Variants in VWC2 observed in about 807,000 individuals in gnomAD.
The protein encoded by VWC2 is von Willebrand factor C domain containing 2, also known as brorin.
Under a neutral mutation model 29.8 loss-of-function variants are expected in VWC2, and 14 were observed. The observed-to-expected ratio is 0.47, with a 90% CI of 0.31 to 0.74. The LOEUF (loss-of-function observed/expected upper bound fraction) is 0.74, where lower values mean the gene tolerates loss of function less well. VWC2 is among the 30% of genes least tolerant of loss of function. VWC2 has a pLI of 0.05. For synonymous variants in VWC2, 213 were observed against 199.0 expected, an observed-to-expected ratio of 1.07 and a Z score of -0.59; for missense variants, 457 against 459.8, an observed-to-expected ratio of 0.99 and a Z score of 0.05.
intron 3 of VWC2, among the ~76,000 whole-genome samples, chr7:49,908,728 A>C (rs1793239488): frequency 6.6e-6 from 1 of 152,152 alleles, no homozygotes; most frequent in Admixed American, 6.5e-5. Flanking sequence ...TCAGCTGAAG[A>C]TATCTTCTTA....
intron 3 of VWC2, among the ~76,000 whole-genome samples, chr7:49,898,565 A>G (rs1329282611): frequency 2.0e-5 from 3 of 151,994 alleles, no homozygotes; most frequent in Non-Finnish European, 4.4e-5. Context: ...CTTACAACAC[A>G]TTACATATGT....
In VWC2 at chr7:49,775,817, C is replaced by A; in HGVS notation, c.382C>A (p.Gln128Lys). 1 of 1,542,518 alleles carries A rather than the reference C, an allele frequency of 6.5e-7. No individual in the cohort carries two copies. Among genetic ancestry groups the A allele is most frequent in the East Asian group, 2.5e-5 (1 of 40,670 alleles). Residue 128 changes from glutamine to lysine, a missense_variant, in exon 2 of 4, where the codon CAG becomes AAG. Around this residue, in one of 2 missense-constraint regions of VWC2, gnomAD observed 272 missense variants for 202.7 expected, o/e 1.34. Transcript: ENST00000340652. Reference protein sequence around the residue: ...PQAEALAAAAQDAIGPELAPT... With the variant: ...PQAEALAAAAKDAIGPELAPT... Reference sequence around the variant, plus strand: ...GGCGGAAGCCCTGGCCGCAGCCGCCCAGGACGCGATTGGCCCGGAACTCGC... The same window carrying A: ...GGCGGAAGCCCTGGCCGCAGCCGCCAAGGACGCGATTGGCCCGGAACTCGC...
Position 49,789,444 on chromosome 7 carries a change from C to CGTG in VWC2, c.697-13267_697-13266insGTG, listed in dbSNP as rs369849626. On this transcript the variant is annotated intron_variant, in intron 2 of 3. Coordinates refer to ENST00000340652, the MANE Select transcript of VWC2 (RefSeq NM_198570.5). ...TCCCCCCATTGGCCACAGTCCCCAC[C>CGTG]ACTCCTTATTACACACTTAGTTCAT... 1.9e-3 allele frequency among the ~76,000 whole-genome samples: 289 copies of CGTG among 152,060 alleles called. 2 individuals carry two copies. The highest frequency in any genetic ancestry group is 6.7e-3 in the African/African-American group (279 of 41,430).
At chr7:49,897,689 C>T (rs1792457705) in intron 3 of VWC2, among the ~76,000 whole-genome samples, 1 of 152,172 alleles carries the variant, frequency 6.6e-6, no homozygotes. Flanking sequence ...CTTACCTGAG[C>T]AGAAAGCTCC....
chr7:49,857,311 C>G lies in VWC2; in HGVS notation c.826+54471C>G, dbSNP rs370264464. ...TTCTTCTTCTGTGACTGGCTTTTTCCACTAAGCATAATGTCCTCAAGGTTC... is the reference window on the plus strand; with the variant it reads ...TTCTTCTTCTGTGACTGGCTTTTTCGACTAAGCATAATGTCCTCAAGGTTC... On this transcript the variant is annotated intron_variant, in intron 3 of 3. Coordinates refer to ENST00000340652, the MANE Select transcript of VWC2 (RefSeq NM_198570.5). Among the ~76,000 whole-genome samples, 235 of 152,306 alleles carry G rather than the reference C, an allele frequency of 1.5e-3. 3 individuals are homozygous for G. The highest frequency in any genetic ancestry group is 5.4e-3 in the African/African-American group (225 of 41,568).
chr7:49,852,165 C>T (rs1014295795), intron 3 of VWC2, among the ~76,000 whole-genome samples: 3 of 152,230 alleles, frequency 2.0e-5, no homozygotes, highest in African/African-American at 7.2e-5. Flanking sequence ...TCTCTCTGCC[C>T]TGTGGCCACT....
intron 3 of VWC2, among the ~76,000 whole-genome samples, chr7:49,905,573 T>C (rs1793040704): frequency 6.6e-6 from 1 of 152,210 alleles, no homozygotes; most frequent in Non-Finnish European, 1.5e-5. Flanking sequence ...GTGTGCATTG[T>C]ACTTTGTGTG....
chr7:49,879,886 G>A (rs1270210153), intron 3 of VWC2, among the ~76,000 whole-genome samples: 1 of 151,638 alleles, frequency 6.6e-6, no homozygotes, highest in African/African-American at 2.4e-5. Flanking sequence ...TGGTTTTCTG[G>A]GTATGCAGTC....
At chr7:49,796,143 A>T (rs995026239) in intron 2 of VWC2, among the ~76,000 whole-genome samples, 8 of 152,386 alleles carry the variant, frequency 5.2e-5, no homozygotes, top group East Asian at 1.9e-4. Flanking sequence ...AATGGAAGAA[A>T]TAGCAAAATG....
At chr7:49,885,886 A>G (rs629285) in intron 3 of VWC2, among the ~76,000 whole-genome samples, 122,484 of 152,258 alleles carry the variant, frequency 0.8, 49,423 homozygotes, top group East Asian at 0.91. Context: ...GGCCCTTGGC[A>G]TGGCAGAGGA....
chr7:49,879,316 C>T (rs1791575970), intron 3 of VWC2, among the ~76,000 whole-genome samples: 2 of 152,092 alleles, frequency 1.3e-5, no homozygotes, highest in Admixed American at 1.3e-4. Context: ...TGTTTTTATT[C>T]TTGTCTGATC....
chr7:49,842,525 C>T (rs1368446222), intron 3 of VWC2, among the ~76,000 whole-genome samples: 1 of 152,134 alleles, frequency 6.6e-6, no homozygotes, highest in African/African-American at 2.4e-5. Flanking sequence ...TCCAGTGTAA[C>T]TCAGTGACAC....
At chr7:49,812,671 A>G (rs1221789121) in intron 3 of VWC2, among the ~76,000 whole-genome samples, 2 of 152,226 alleles carry the variant, frequency 1.3e-5, no homozygotes, top group Admixed American at 6.5e-5. Context: ...GTGAGCTTCT[A>G]TAGCCTGAAC....
chr7:49,778,655 A>G (rs886357219), intron 2 of VWC2, among the ~76,000 whole-genome samples: 16 of 152,244 alleles, frequency 1.1e-4, no homozygotes, highest in Admixed American at 3.9e-4. Context: ...TGTTGAAAAT[A>G]TGAATGTAGA....
chr7:49,814,675 C>T (rs1480987683), intron 3 of VWC2, among the ~76,000 whole-genome samples: 1 of 152,124 alleles, frequency 6.6e-6, no homozygotes, highest in African/African-American at 2.4e-5. Flanking sequence ...TTGTATGCTT[C>T]CTCAAGACAA....
At chr7:49,812,232 G>A (rs557724006) in intron 3 of VWC2, among the ~76,000 whole-genome samples, 3 of 152,120 alleles carry the variant, frequency 2.0e-5, no homozygotes, top group South Asian at 4.2e-4. Flanking sequence ...GTTGTTAGGT[G>A]GATACACAAT....
In VWC2 at chr7:49,913,692, T is replaced by C. The variant is rs1297252714; in HGVS notation, c.*1507T>C. 6.6e-6 allele frequency: 1 copy of C among 152,174 alleles called. No individual in the cohort carries two copies. The highest frequency in any genetic ancestry group is 1.5e-5 in the Non-Finnish European group (1 of 68,018). The allele number at this position is 152,174 out of a possible 1,614,324, so 9.4% of individuals were successfully genotyped here. ...TATATGAAATCATAATGTATTGTAT[T>C]AGGAGCCAAACTAGAGACCAGCAAA... is the stretch of plus-strand genomic sequence containing the variant. On this transcript the variant is annotated 3_prime_UTR_variant, in exon 4 of 4. Coordinates refer to ENST00000340652, the MANE Select transcript of VWC2 (RefSeq NM_198570.5).
At chr7:49,862,590 G>C (rs1790698969) in intron 3 of VWC2, among the ~76,000 whole-genome samples, 1 of 151,828 alleles carries the variant, frequency 6.6e-6, no homozygotes, top group South Asian at 2.1e-4. Flanking sequence ...TAAAATGTTA[G>C]CTGTAGGTTT....
chr7:49,805,998 A>G (rs1232660285), intron 3 of VWC2, among the ~76,000 whole-genome samples: 1 of 152,226 alleles, frequency 6.6e-6, no homozygotes, highest in Non-Finnish European at 1.5e-5. Context: ...AATCAAATGT[A>G]CTTTAATATA....
Sources: gnomAD v4.1 joint callset for allele counts (sites outside exome capture counted in the v4.1 genomes callset) on GRCh38, gnomAD v4.1.1 for gene constraint, gnomAD v4.1.1 regional missense constraint, MANE v1.5 for transcripts, NCBI Gene and HGNC (gene_info 2026-07-23, HGNC 2026-07-21) for gene names.